Variants in SCLT1 observed in about 807,000 individuals in gnomAD.
The protein encoded by SCLT1 is sodium channel and clathrin linker 1.
A neutral mutation model predicts 112.8 loss-of-function variants in SCLT1; 78 were observed. The observed-to-expected ratio is 0.69, with a 90% confidence interval of 0.58 to 0.83. SCLT1 has a LOEUF of 0.83. SCLT1 is among the 40% of genes least tolerant of loss of function. SCLT1 has a pLI of 0.00. For synonymous variants in SCLT1, 257 were observed against 254.7 expected (o/e 1.01, Z -0.09); for missense variants, 747 against 770.4 (o/e 0.97, Z 0.36).
intron 18 of SCLT1, among the ~76,000 whole-genome samples, chr4:128,906,819 C>T (rs1161590689): frequency 1.3e-5 from 2 of 152,148 alleles, no homozygotes. Context: ...GATCTAGTCA[C>T]TGCCATAGTG....
At chr4:129,055,998 C>T (rs113368072) in intron 2 of SCLT1, among the ~76,000 whole-genome samples, 6,622 of 152,168 alleles carry the variant, frequency 0.044, 225 homozygotes, top group Non-Finnish European at 0.07. Context: ...GTATCTGGGC[C>T]GAATAGCACA....
intron 9 of SCLT1, 70 bp from the exon 10 acceptor site, chr4:128,970,538 TCTG>T: frequency 1.2e-6 from 1 of 860,550 alleles, no homozygotes; most frequent in Non-Finnish European, 1.9e-6. Flanking sequence ...AGAATAGAAA[TCTG>T]AATTTGGTAA....
chr4:128,917,101 C>T (rs918543538), intron 18 of SCLT1, among the ~76,000 whole-genome samples: 18 of 152,168 alleles, frequency 1.2e-4, no homozygotes, highest in Admixed American at 6.5e-5. Context: ...ACCATGGCGT[C>T]ACCTGTTCCT....
Position 128,931,457 on chromosome 4 carries a change from C to A in SCLT1, c.1829+5198G>T, listed in dbSNP as rs183354142. ...TTCATTATATAAACATTTGCTATTACAGAATTTTATTTTATTTTATTTTGA... is the reference window on the plus strand; with the variant it reads ...TTCATTATATAAACATTTGCTATTAAAGAATTTTATTTTATTTTATTTTGA... On this transcript the variant is annotated intron_variant, in intron 18 of 20. Transcript: ENST00000281142. Among the ~76,000 whole-genome samples, 465 of 152,022 alleles carry A rather than the reference C, an allele frequency of 3.1e-3. 10 individuals carry two copies. The highest frequency in any genetic ancestry group is 1.8e-3 in the Non-Finnish European group (125 of 67,958).
chr4:129,068,936 G>T (rs1750737209), intron 2 of SCLT1, among the ~76,000 whole-genome samples: 2 of 152,134 alleles, frequency 1.3e-5, no homozygotes, highest in South Asian at 4.1e-4. Flanking sequence ...AATCCATCTT[G>T]AGTTGATTTT....
At chr4:129,024,231 T>C (rs989508033) in intron 5 of SCLT1, among the ~76,000 whole-genome samples, 1 of 152,356 alleles carries the variant, frequency 6.6e-6, no homozygotes, top group East Asian at 1.9e-4. Context: ...ACGGGCAGAC[T>C]GCCTCCTCAA....
intron 18 of SCLT1, among the ~76,000 whole-genome samples, chr4:128,927,669 A>G (rs988450041): frequency 2.0e-5 from 3 of 152,122 alleles, no homozygotes; most frequent in Non-Finnish European, 4.4e-5. Flanking sequence ...AATTTATAAC[A>G]TTGAAGAATG....
intron 1 of SCLT1, among the ~76,000 whole-genome samples, chr4:129,086,260 C>T (rs1251741290): frequency 6.6e-6 from 1 of 151,968 alleles, no homozygotes; most frequent in East Asian, 1.9e-4. Context: ...AAGTACTTAT[C>T]TGGCTTGTTT....
Position 128,960,646 on chromosome 4 carries a change from C to T in SCLT1, c.870-869G>A, listed in dbSNP as rs180687850. 1.6e-3 allele frequency among the ~76,000 whole-genome samples: 248 copies of T among 152,104 alleles called. 2 individuals carry two copies. Among genetic ancestry groups the T allele is most frequent in the East Asian group, 0.014 (71 of 5,158 alleles). On this transcript the variant is annotated intron_variant, in intron 11 of 20. Transcript: ENST00000281142. ...TATAAGAACTCTAAATTAGGCCGGG[C>T]GCGGTGGCTCACGCCTGTAATCCCA...
intron 11 of SCLT1, among the ~76,000 whole-genome samples, chr4:128,960,663 GT>G (rs937239077): frequency 3.9e-5 from 6 of 151,982 alleles, no homozygotes; most frequent in African/African-American, 1.4e-4. Context: ...GCTCACGCCT[GT>G]AATCCCAGCA....
intron 9 of SCLT1, chr4:128,971,858 T>A (rs1051045246): frequency 1.3e-5 from 2 of 151,944 alleles, no homozygotes; most frequent in African/African-American, 4.8e-5. Context: ...CCATCTCTAC[T>A]AAAAATACAA....
chr4:128,995,597 A>G (rs547853248), intron 8 of SCLT1, among the ~76,000 whole-genome samples: 1 of 152,176 alleles, frequency 6.6e-6, no homozygotes, highest in South Asian at 2.1e-4. Context: ...GACCCCCACA[A>G]ATCAGCTGGC....
chr4:129,054,874 T>C (rs960161670), intron 2 of SCLT1, among the ~76,000 whole-genome samples: 2 of 152,216 alleles, frequency 1.3e-5, no homozygotes, highest in African/African-American at 2.4e-5. Flanking sequence ...TGGTTTTTCC[T>C]CATCATCATG....
intron 18 of SCLT1, among the ~76,000 whole-genome samples, chr4:128,933,484 G>A (rs1736938418): frequency 6.6e-6 from 1 of 152,072 alleles, no homozygotes; most frequent in African/African-American, 2.4e-5. Flanking sequence ...CCATTTTGAT[G>A]TGACCCCAGT....
intron 2 of SCLT1, among the ~76,000 whole-genome samples, chr4:129,068,131 TCTCCAATCTCATCCAGGTTG>T (rs1486578178): frequency 6.6e-6 from 1 of 152,198 alleles, no homozygotes; most frequent in Admixed American, 6.5e-5. Flanking sequence ...AGAATAATTG[TCTCCAATCTCATCCAGGTTG>T]CTGCAAATGC....
At chr4:129,051,757 A>G (rs1019050887) in intron 2 of SCLT1, among the ~76,000 whole-genome samples, 4 of 152,094 alleles carry the variant, frequency 2.6e-5, no homozygotes, top group Admixed American at 6.6e-5. Context: ...AACTTCCAAT[A>G]CTATGTTGAA....
intron 1 of SCLT1, among the ~76,000 whole-genome samples, chr4:129,092,312 G>A (rs147498327): frequency 6.6e-6 from 1 of 152,214 alleles, no homozygotes; most frequent in East Asian, 1.9e-4. Flanking sequence ...CAGCCGTATT[G>A]CAAGTCTTTA....
chr4:128,960,649 G>A (rs897222986), intron 11 of SCLT1, among the ~76,000 whole-genome samples: 4 of 151,996 alleles, frequency 2.6e-5, no homozygotes, highest in African/African-American at 4.8e-5. Context: ...GGCCGGGCGC[G>A]GTGGCTCACG....
chr4:129,039,214 T>C, intron 4 of SCLT1, 118 bp from the exon 5 acceptor site: 1 of 628,716 alleles, frequency 1.6e-6, no homozygotes, highest in East Asian at 2.8e-5. Context: ...GAAAGACTTA[T>C]TCTTTATTTA....
Sources: allele counts gnomAD v4.1 joint callset (sites outside exome capture counted in the v4.1 genomes callset), GRCh38; gene constraint gnomAD v4.1.1; transcripts MANE v1.5; gene names NCBI Gene and HGNC (gene_info 2026-07-23, HGNC 2026-07-21).